Variants in CORIN observed in about 807,000 individuals in gnomAD.
CORIN encodes the protein corin, serine peptidase.
CORIN carries 117 observed loss-of-function variants against 125.3 expected under a neutral mutation model. That is an observed-to-expected ratio of 0.93 (90% CI 0.80 to 1.09). The LOEUF is 1.09. Among genes scored for constraint, CORIN ranks in the 50% least tolerant of loss-of-function variants. The probability of loss-of-function intolerance (pLI) is 0.00; values close to 1 mark genes in which losing one functional copy is unlikely to be tolerated. For missense variants in CORIN, 1,253 were observed against 1,306.7 expected (o/e 0.96, Z 0.63); for synonymous variants, 450 against 466.4 (o/e 0.96, Z 0.45).
At chr4:47,766,373 G>T (rs989640119) in intron 3 of CORIN, among the ~76,000 whole-genome samples, 9 of 152,152 alleles carry the variant, frequency 5.9e-5, no homozygotes, top group African/African-American at 2.2e-4. Flanking sequence ...AGACAGAAGG[G>T]TGGAGAAGTA....
intron 4 of CORIN, among the ~76,000 whole-genome samples, chr4:47,751,932 C>T (rs1012474252): frequency 6.6e-6 from 1 of 151,886 alleles, no homozygotes; most frequent in African/African-American, 2.4e-5. Flanking sequence ...CCTAGTAAGA[C>T]CCTCTATTCC....
chr4:47,788,806 T>C (rs1276398562), intron 2 of CORIN, among the ~76,000 whole-genome samples: 1 of 152,192 alleles, frequency 6.6e-6, no homozygotes, highest in African/African-American at 2.4e-5. Context: ...TGAGTAGGCA[T>C]CCAGTTCTGT....
At chr4:47,607,707 A>T (rs1311668180) in intron 19 of CORIN, among the ~76,000 whole-genome samples, 1 of 152,220 alleles carries the variant, frequency 6.6e-6, no homozygotes, top group Non-Finnish European at 1.5e-5. Context: ...TGGCAAAGAC[A>T]GCCCTGTGTC....
chr4:47,642,142 A>G, intron 15 of CORIN, 93 bp from the exon 16 acceptor site: 1 of 1,290,782 alleles, frequency 7.7e-7, no homozygotes, highest in Non-Finnish European at 1.1e-6. Flanking sequence ...ATTGGCATAC[A>G]TTCATTTTCA....
intron 5 of CORIN, among the ~76,000 whole-genome samples, chr4:47,726,855 T>C (rs1431104579): frequency 6.6e-6 from 1 of 152,056 alleles, no homozygotes; most frequent in Non-Finnish European, 1.5e-5. Context: ...TAAATATATA[T>C]TTAAAGCATG....
chr4:47,623,117 T>TATATATACAC lies in CORIN; in HGVS notation c.2540+453_2540+454insGTGTATATAT, dbSNP rs141525347. Among the ~76,000 whole-genome samples the TATATATACAC allele has an allele frequency of 5.7e-3, 762 of 134,326 alleles. 10 individuals carry two copies. The highest frequency in any genetic ancestry group is 0.022 in the African/African-American group (694 of 32,244). 88.1% of individuals were successfully genotyped at this position (134,326 alleles called of 152,430 possible). ...CTCTCTATATATATATATATATATA[T>TATATATACAC]ACACACACACACACACTCTCTCTGA... On this transcript the variant is annotated intron_variant, in intron 19 of 21. Coordinates refer to ENST00000273857, the MANE Select transcript of CORIN (RefSeq NM_006587.4).
intron 3 of CORIN, among the ~76,000 whole-genome samples, chr4:47,765,168 G>A (rs558025898): frequency 1.2e-3 from 180 of 151,922 alleles, no homozygotes; most frequent in African/African-American, 3.7e-3. Flanking sequence ...AAAATTAGCC[G>A]GGCGTGGTGG....
At chr4:47,823,665 T>C (rs1482080594) in intron 1 of CORIN, among the ~76,000 whole-genome samples, 1 of 152,232 alleles carries the variant, frequency 6.6e-6, no homozygotes, top group Non-Finnish European at 1.5e-5. Flanking sequence ...AGATCTACTA[T>C]ACTTTCTATA....
At chr4:47,802,501 G>T (rs1308267983) in intron 2 of CORIN, among the ~76,000 whole-genome samples, 1 of 152,216 alleles carries the variant, frequency 6.6e-6, no homozygotes, top group African/African-American at 2.4e-5. Context: ...GGTGGTTGTG[G>T]TGGCCACAGG....
intron 5 of CORIN, among the ~76,000 whole-genome samples, chr4:47,700,468 G>C (rs1726233820): frequency 6.6e-6 from 1 of 152,174 alleles, no homozygotes; most frequent in Non-Finnish European, 1.5e-5. Context: ...AAAAGCTGAT[G>C]AGAAAGATCT....
chr4:47,772,631 C>G (rs184197223), intron 3 of CORIN, among the ~76,000 whole-genome samples: 15 of 152,226 alleles, frequency 9.9e-5, no homozygotes, highest in African/African-American at 3.6e-4. Context: ...ATTTCTGTGG[C>G]CTTTGGCAAG....
In CORIN at chr4:47,786,765, C is replaced by T. The variant is rs533655191; in HGVS notation, c.369G>A (p.Thr123=). 17 of 1,614,046 alleles carry T rather than the reference C, an allele frequency of 1.1e-5. No individual in the cohort carries two copies. The Admixed American group carries it at 1.5e-4, about 14-fold the overall frequency. Residue 123 remains threonine (T), a synonymous_variant, in exon 3 of 22, where the codon ACG becomes ACA. Transcript: ENST00000273857. The part of the protein sequence containing the change: ...HPDQHVPAWT[T]DASLPGDQSH... ...TTTGGTCCCCTGGGAGAGAAGCATC[C>T]GTAGTCCAGGCTGGAACGTGTTGGT... is the stretch of plus-strand genomic sequence containing the variant.
At chr4:47,600,001 C>T (rs934764732) in intron 21 of CORIN, among the ~76,000 whole-genome samples, 1 of 152,152 alleles carries the variant, frequency 6.6e-6, no homozygotes, top group Admixed American at 6.5e-5. Flanking sequence ...GTAGATGAGA[C>T]AGTAGAAGGC....
chr4:47,623,097 TATATATATATATATATATATACACACA>T (rs1722396587), intron 19 of CORIN, among the ~76,000 whole-genome samples: 2 of 48,666 alleles, frequency 4.1e-5, no homozygotes, highest in East Asian at 1.5e-3. Flanking sequence ...TCTCTCTCTC[TATATATATATATATATATATACACACA>T]CACACACACT....
chr4:47,651,030 T>G (rs1298268602), intron 13 of CORIN, among the ~76,000 whole-genome samples: 2 of 152,250 alleles, frequency 1.3e-5, no homozygotes, highest in Admixed American at 1.3e-4. Flanking sequence ...TGCTAAATTC[T>G]AATGCATATA....
intron 2 of CORIN, among the ~76,000 whole-genome samples, chr4:47,803,518 A>T (rs1232992369): frequency 1.3e-5 from 2 of 152,212 alleles, no homozygotes; most frequent in Non-Finnish European, 1.5e-5. Flanking sequence ...ACACAGACTG[A>T]TGGAACAGAA....
intron 21 of CORIN, 107 bp downstream of exon 21, chr4:47,600,107 G>A (rs367854275): frequency 1.1e-5 from 11 of 1,020,964 alleles, no homozygotes; most frequent in African/African-American, 1.6e-5. Context: ...GGCAACAAAT[G>A]ATTTTCAAAA....
In CORIN at chr4:47,678,028, A is replaced by G. The variant is rs1406014146; in HGVS notation, c.1159T>C (p.Cys387Arg). 1.2e-6 allele frequency: 2 copies of G among 1,613,986 alleles called. No individual in the cohort carries two copies. Among genetic ancestry groups the G allele is most frequent in the Non-Finnish European group, 1.7e-6 (2 of 1,179,858 alleles). ...CTGGGGATACATTGTCCATTTCTGCATTCCACCAGACCCTGGCTGTGACAG... is the reference window on the plus strand; with the variant it reads ...CTGGGGATACATTGTCCATTTCTGCGTTCCACCAGACCCTGGCTGTGACAG... ...CSCHSQGLVE[C>R]RNGQCIPSTF... Residue 387 changes from cysteine (C) to arginine (R), a missense_variant, in exon 9 of 22, where the codon TGC becomes CGC. By Grantham distance (180) the Cys-to-Arg change is radical (BLOSUM62 -3). Coordinates refer to ENST00000273857, the MANE Select transcript of CORIN (RefSeq NM_006587.4).
chr4:47,605,981 T>G (rs753597689), intron 19 of CORIN, among the ~76,000 whole-genome samples: 1 of 152,196 alleles, frequency 6.6e-6, no homozygotes, highest in Non-Finnish European at 1.5e-5. Context: ...TATATAGTCA[T>G]GCATGTTGTC....
Sources: gnomAD v4.1 joint callset for allele counts (sites outside exome capture counted in the v4.1 genomes callset) on GRCh38, gnomAD v4.1.1 for gene constraint, MANE v1.5 for transcripts, NCBI Gene and HGNC (gene_info 2026-07-23, HGNC 2026-07-21) for gene names.